The following ARMC2 variants were observed in gnomAD, a reference collection of about 807,000 sequenced individuals.
ARMC2 encodes the protein armadillo repeat containing 2.
A neutral mutation model predicts 90.3 loss-of-function variants in ARMC2; 67 were observed. That is an observed-to-expected ratio of 0.74 (90% confidence interval 0.61 to 0.91). The LOEUF is 0.91. ARMC2 is among the 40% of genes least tolerant of loss of function. The pLI is 0.00. For synonymous variants in ARMC2, 393 were observed against 393.0 expected, an observed-to-expected ratio of 1.00 and a Z score of 0.00; for missense variants, 920 against 1,030.9, an observed-to-expected ratio of 0.89 and a Z score of 1.47.
the ARMC2 span, among the ~76,000 whole-genome samples, chr6:109,045,488 A>G: frequency 5.5e-4 from 83 of 152,274 alleles, 1 homozygote; most frequent in African/African-American, 2.0e-3. Context: ...ATCTCTGCCT[A>G]TGTCTCCAAT....
At chr6:109,024,754 T>C in the ARMC2 span, among the ~76,000 whole-genome samples, 11 of 152,198 alleles carry the variant, frequency 7.2e-5, no homozygotes, top group Non-Finnish European at 1.6e-4. Flanking sequence ...GTCTTTGTGA[T>C]TATGTGGCTG....
At chr6:109,022,411 C>CTTTTT in the ARMC2 span, among the ~76,000 whole-genome samples, 6 of 65,878 alleles carry the variant, frequency 9.1e-5, no homozygotes, top group Non-Finnish European at 1.1e-4. Context: ...TGTTCTAAAG[C>CTTTTT]TTTTTTTTTT....
At chr6:108,952,996 C>T (rs951187569) in intron 12 of ARMC2, 37 bp from the exon 13 acceptor site, 1 of 1,543,270 alleles carries the variant, frequency 6.5e-7, no homozygotes, top group African/African-American at 1.4e-5. Context: ...GTTCCAGCCC[C>T]CTTTGCACTT....
In ARMC2 at chr6:108,854,458, C is replaced by G. The variant is rs1468192863; in HGVS notation, c.191C>G (p.Ser64Ter). The change falls in exon 2 of 18, where the codon TCA becomes TGA. Residue 64 changes from serine to a stop codon, truncating the protein, a stop_gained. Transcript: ENST00000392644. LOFTEE classifies it high-confidence loss of function. ...KLFGPASSRT[S>*]ENRPPSSFSL... The stretch of plus-strand genomic sequence containing the variant: ...TTCGGACCTGCATCCTCAAGAACAT[C>G]AGAAAATAGACCTCCTTCCTCCTTC... 1 of 1,613,654 alleles carries G rather than the reference C, an allele frequency of 6.2e-7. No individual in the cohort carries two copies. The highest frequency in any genetic ancestry group is 8.5e-7 in the Non-Finnish European group (1 of 1,179,794).
At chr6:108,964,548 C>T (rs1778223495) in intron 16 of ARMC2, among the ~76,000 whole-genome samples, 1 of 152,038 alleles carries the variant, frequency 6.6e-6, no homozygotes, top group Non-Finnish European at 1.5e-5. Flanking sequence ...CCGAGGTGGG[C>T]AGATCACTTG....
At position 108,961,600 on chromosome 6, in the gene ARMC2, G is replaced by C. The variant is rs1417904988; in HGVS notation, c.1944G>C (p.Glu648Asp). 32 of 1,611,112 alleles carry C rather than the reference G, an allele frequency of 2.0e-5. No homozygotes were observed. The highest frequency in any genetic ancestry group is 2.6e-5 in the Non-Finnish European group (31 of 1,179,016). The change falls in exon 14 of 18, where the codon GAG (glutamate) becomes GAC (aspartate). Residue 648 changes from glutamate (E) to aspartate (D), a missense_variant. Glu to Asp is a conservative substitution (Grantham distance 45). Coordinates refer to ENST00000392644, the MANE Select transcript of ARMC2 (RefSeq NM_032131.6). ...LEYKSLDDCE[E>D]LVINATATIN... The stretch of plus-strand genomic sequence containing the variant: ...ACAAGTCACTTGATGATTGTGAGGA[G>C]CTGGTGATCAATGCTACAGCGACAA...
In ARMC2 at chr6:108,858,195, C is replaced by G. The variant is rs116681118; in HGVS notation, c.219-4C>G. ...CTAACACTCTGCACCATCTTTTATGCTAGCCTCCATGCATCCAGTTTTGAG... is the reference window on the plus strand; with the variant it reads ...CTAACACTCTGCACCATCTTTTATGGTAGCCTCCATGCATCCAGTTTTGAG... On this transcript the variant is annotated splice_polypyrimidine_tract_variant and splice_region_variant and intron_variant, in intron 2 of 17. Transcript: ENST00000392644. The G allele has an allele frequency of 1.2e-6, 2 of 1,606,152 alleles. No homozygotes were observed. The highest frequency in any genetic ancestry group is 8.5e-7 in the Non-Finnish European group (1 of 1,174,146).
At chr6:108,860,990 C>A (rs1244509102) in intron 3 of ARMC2, among the ~76,000 whole-genome samples, 2 of 152,154 alleles carry the variant, frequency 1.3e-5, no homozygotes, top group Non-Finnish European at 2.9e-5. Context: ...AGGGTACTTA[C>A]AGTAATAGTA....
At chr6:108,872,436 G>A (rs1327471) in intron 4 of ARMC2, among the ~76,000 whole-genome samples, 33,525 of 152,012 alleles carry the variant, frequency 0.22, 4,003 homozygotes, top group East Asian at 0.35. Flanking sequence ...ACTAGCTCTC[G>A]AGTCTGCATT....
Position 108,876,150 on chromosome 6 carries a change from G to T in ARMC2, c.471G>T (p.Lys157Asn). The change falls in exon 5 of 18, where the codon AAG becomes AAT. Residue 157 changes from lysine to asparagine, a missense_variant. Transcript: ENST00000392644. ...DRSLPPSDSK[K>N]TVESKETVMM... is the part of the protein sequence containing the mutation. ...TTCTTGGTTATATTGCAGCAAAGAAGACAGTGGAATCCAAAGAAACAGTTA... is the reference window on the plus strand; with the variant it reads ...TTCTTGGTTATATTGCAGCAAAGAATACAGTGGAATCCAAAGAAACAGTTA... 1 of 1,606,934 alleles carries T rather than the reference G, an allele frequency of 6.2e-7. No homozygotes were observed. The highest frequency in any genetic ancestry group is 1.1e-5 in the South Asian group (1 of 88,922).
chr6:108,852,105 C>CT (rs1774072002), intron 1 of ARMC2, among the ~76,000 whole-genome samples: 1 of 152,140 alleles, frequency 6.6e-6, no homozygotes, highest in Non-Finnish European at 1.5e-5. Flanking sequence ...TTCAGGTATA[C>CT]TTTAAGTAGA....
At chr6:109,047,538 C>T in the ARMC2 span, among the ~76,000 whole-genome samples, 21 of 133,440 alleles carry the variant, frequency 1.6e-4, no homozygotes, top group Non-Finnish European at 3.4e-4. Context: ...TGCCCGGCCG[C>T]CCCTACTGGG....
the ARMC2 span, among the ~76,000 whole-genome samples, chr6:109,009,716 T>A: frequency 6.6e-6 from 1 of 151,550 alleles, no homozygotes; most frequent in Non-Finnish European, 1.5e-5. Context: ...CGCGGCGAGG[T>A]GAAAAATCAC....
At chr6:109,039,716 C>T in the ARMC2 span, among the ~76,000 whole-genome samples, 1 of 152,200 alleles carries the variant, frequency 6.6e-6, no homozygotes, top group African/African-American at 2.4e-5. Flanking sequence ...AAACGAGAAC[C>T]AGTATTTTCA....
At chr6:109,029,088 C>T in the ARMC2 span, among the ~76,000 whole-genome samples, 6 of 152,142 alleles carry the variant, frequency 3.9e-5, no homozygotes, top group Admixed American at 1.3e-4. Context: ...ACTTTTCTAC[C>T]TTCTCTTCTT....
chr6:108,964,078 G>A (rs1778186256), intron 15 of ARMC2, 102 bp from the exon 16 acceptor site: 4 of 1,326,166 alleles, frequency 3.0e-6, no homozygotes, highest in Non-Finnish European at 4.2e-6. Context: ...AGGGGTTCTG[G>A]GTTTGCAAGC....
chr6:109,048,818 A>T, the ARMC2 span, among the ~76,000 whole-genome samples: 1 of 152,218 alleles, frequency 6.6e-6, no homozygotes, highest in East Asian at 1.9e-4. Context: ...AATTTATTCT[A>T]TGTGTTCCTG....
rs538662352 is a variant in ARMC2 at position 108,972,748 on chromosome 6, C to G, written c.2447-609C>G. Among the ~76,000 whole-genome samples the G allele has an allele frequency of 1.1e-4, 17 of 152,186 alleles. 1 individual carries two copies. The South Asian group carries it at 3.5e-3, about 32-fold the overall frequency. ...GCATGATCGTGCCCCACTGCAGCCT[C>G]AATGTCCCGTGCTCAAGTGATTCTC... On this transcript the variant is annotated intron_variant, in intron 17 of 17. Transcript: ENST00000392644.
intron 3 of ARMC2, among the ~76,000 whole-genome samples, chr6:108,864,757 A>G (rs367840261): frequency 2.0e-5 from 3 of 152,280 alleles, no homozygotes; most frequent in African/African-American, 7.2e-5. Context: ...GAAATTGGCC[A>G]AGGTGACGGT....
Sources: gnomAD v4.1 joint callset for allele counts (sites outside exome capture counted in the v4.1 genomes callset) on GRCh38, gnomAD v4.1.1 for gene constraint, MANE v1.5 for transcripts, NCBI Gene and HGNC (gene_info 2026-07-23, HGNC 2026-07-21) for gene names.